Variants in TCF4 observed in about 807,000 individuals in gnomAD.
TCF4 encodes the protein SL3-3 enhancer factor 2.
TCF4 carries 3 observed loss-of-function variants against 82.1 expected under a neutral mutation model. The ratio of observed to expected loss-of-function variants is 0.04; its 90% CI spans 0.02 to 0.09. The LOEUF (loss-of-function observed/expected upper bound fraction) is 0.09. TCF4 is among the 10% of genes least tolerant of loss of function. The pLI, the probability that TCF4 is intolerant of heterozygous loss-of-function variation, is 1.00. For missense variants in TCF4, 518 were observed against 852.7 expected (o/e 0.61, Z 4.89); for synonymous variants, 276 against 309.6 (o/e 0.89, Z 1.14).
At chr18:55,483,902 C>G (rs1348559448) in intron 3 of TCF4, among the ~76,000 whole-genome samples, 1 of 152,168 alleles carries the variant, frequency 6.6e-6, no homozygotes, top group African/African-American at 2.4e-5. Flanking sequence ...CCAGAACCAC[C>G]ACACTAACAA....
intron 2 of TCF4, among the ~76,000 whole-genome samples, chr18:55,615,550 C>T (rs2097710966): frequency 6.6e-6 from 1 of 151,908 alleles, no homozygotes; most frequent in Admixed American, 6.6e-5. Context: ...TGGCTATAAC[C>T]TTAAATGCAA....
chr18:55,518,529 A>T (rs1452502276), intron 3 of TCF4, among the ~76,000 whole-genome samples: 1 of 152,188 alleles, frequency 6.6e-6, no homozygotes, highest in Non-Finnish European at 1.5e-5. Context: ...TATTCTGTAT[A>T]TGAAAAAATG....
chr18:55,400,730 A>G (rs532229736), intron 6 of TCF4: 104 of 230,196 alleles, frequency 4.5e-4, no homozygotes, highest in Non-Finnish European at 6.2e-4. Context: ...CACGTCTCAC[A>G]ATAATAATGT....
chr18:55,422,397 G>A, intron 5 of TCF4: 8 of 984,576 alleles, frequency 8.1e-6, no homozygotes, highest in Non-Finnish European at 9.6e-6. Context: ...GGAAAGAAGG[G>A]AAAAGGTGGA....
intron 8 of TCF4, among the ~76,000 whole-genome samples, chr18:55,335,630 G>A (rs1226639037): frequency 1.3e-5 from 2 of 152,064 alleles, no homozygotes; most frequent in Admixed American, 6.6e-5. Flanking sequence ...TCTATTCTTG[G>A]TCATTCTTGT....
intron 3 of TCF4, among the ~76,000 whole-genome samples, chr18:55,566,106 G>A (rs939694680): frequency 3.9e-5 from 6 of 152,072 alleles, no homozygotes; most frequent in Non-Finnish European, 7.4e-5. Context: ...CCAGCTACTC[G>A]GGAGGCTGAG....
At chr18:55,460,982 A>C in intron 5 of TCF4, 37 bp downstream of exon 5, 1 of 1,577,398 alleles carries the variant, frequency 6.3e-7, no homozygotes, top group Non-Finnish European at 8.7e-7. Flanking sequence ...AAACTTGAGC[A>C]TTCAAAAAGT....
At chr18:55,447,547 A>C (rs2095547811) in intron 5 of TCF4, among the ~76,000 whole-genome samples, 1 of 152,210 alleles carries the variant, frequency 6.6e-6, no homozygotes, top group African/African-American at 2.4e-5. Context: ...TGCTGGGTGA[A>C]TGACTGTACG....
At chr18:55,244,436 A>C (rs1219693733) in intron 15 of TCF4, among the ~76,000 whole-genome samples, 1 of 152,172 alleles carries the variant, frequency 6.6e-6, no homozygotes, top group Non-Finnish European at 1.5e-5. Context: ...AAAAATGACC[A>C]TTTTAGTTCC....
At chr18:55,324,121 C>T (rs2076166142) in intron 8 of TCF4, among the ~76,000 whole-genome samples, 1 of 152,124 alleles carries the variant, frequency 6.6e-6, no homozygotes, top group African/African-American at 2.4e-5. Flanking sequence ...TAAACCCTGA[C>T]AATTCAGCAC....
At chr18:55,504,137 C>T (rs762586420) in intron 3 of TCF4, among the ~76,000 whole-genome samples, 3 of 152,194 alleles carry the variant, frequency 2.0e-5, no homozygotes, top group Non-Finnish European at 2.9e-5. Flanking sequence ...CATATGTATT[C>T]GTTCTGCAAC....
intron 6 of TCF4, among the ~76,000 whole-genome samples, chr18:55,357,951 T>C (rs938957970): frequency 7.9e-5 from 12 of 152,336 alleles, no homozygotes; most frequent in Admixed American, 2.6e-4. Context: ...AAATGCTCAA[T>C]GTAATCTTCA....
chr18:55,411,107 G>C (rs896358079), intron 5 of TCF4, among the ~76,000 whole-genome samples: 2 of 152,106 alleles, frequency 1.3e-5, no homozygotes, highest in Non-Finnish European at 2.9e-5. Flanking sequence ...ATAATCATGG[G>C]GATAACTTAG....
intron 5 of TCF4, among the ~76,000 whole-genome samples, chr18:55,447,129 C>A (rs906223291): frequency 1.3e-4 from 20 of 151,982 alleles, no homozygotes; most frequent in African/African-American, 4.1e-4. Context: ...CAGAGCGAGA[C>A]CTTGTCTCTA....
intron 17 of TCF4, 166 bp downstream of exon 17, chr18:55,232,343 G>A: frequency 1.4e-6 from 1 of 713,494 alleles, no homozygotes; most frequent in Non-Finnish European, 2.3e-6. Context: ...ATAGAGTACA[G>A]GTATCTGAAA....
intron 3 of TCF4, among the ~76,000 whole-genome samples, chr18:55,516,179 C>T (rs550338125): frequency 1.3e-5 from 2 of 152,094 alleles, no homozygotes; most frequent in African/African-American, 4.8e-5. Flanking sequence ...GTTTGGAAGT[C>T]TTGTTTGTTT....
chr18:55,375,271 A>T (rs1210439974), intron 6 of TCF4, among the ~76,000 whole-genome samples: 1 of 152,028 alleles, frequency 6.6e-6, no homozygotes, highest in Non-Finnish European at 1.5e-5. Flanking sequence ...TACTTCAGGA[A>T]TTTTGAGAGG....
chr18:55,466,558 G>A (rs538573859), intron 3 of TCF4, among the ~76,000 whole-genome samples: 2 of 152,198 alleles, frequency 1.3e-5, no homozygotes, highest in East Asian at 3.9e-4. Flanking sequence ...TTGAGATTGA[G>A]AAGCCCTGTG....
At chr18:55,329,570 G>A (rs1372748443) in intron 8 of TCF4, among the ~76,000 whole-genome samples, 1 of 152,156 alleles carries the variant, frequency 6.6e-6, no homozygotes, top group Non-Finnish European at 1.5e-5. Flanking sequence ...AAATAAGAAT[G>A]ATTTGGGAAA....
Sources: gnomAD v4.1 joint callset for allele counts (sites outside exome capture counted in the v4.1 genomes callset) on GRCh38, gnomAD v4.1.1 for gene constraint, MANE v1.5 for transcripts, NCBI Gene and HGNC (gene_info 2026-07-23, HGNC 2026-07-21) for gene names.